The following TBC1D1 variants were observed in gnomAD, a reference collection of about 807,000 sequenced individuals.
TBC1D1 encodes the protein TBC1 (tre-2/USP6, BUB2, cdc16) domain family, member 1.
In TBC1D1, 89 loss-of-function variants were observed where a neutral mutation model predicts 125.6. The ratio of observed to expected loss-of-function variants is 0.71; its 90% CI spans 0.60 to 0.85. The LOEUF (loss-of-function observed/expected upper bound fraction) is 0.85, where lower values mean the gene tolerates loss of function less well. Among genes scored for constraint, TBC1D1 ranks in the 40% least tolerant of loss-of-function variants. The pLI, the probability that TBC1D1 is intolerant of heterozygous loss-of-function variation, is 0.00. For missense variants in TBC1D1, 1,377 were observed against 1,469.2 expected, an observed-to-expected ratio of 0.94 and a Z score of 1.03; for synonymous variants, 565 against 564.1, an observed-to-expected ratio of 1.00 and a Z score of -0.02.
In TBC1D1 at chr4:38,137,224, A is replaced by G. The variant is rs1478908967; in HGVS notation, c.3396A>G (p.Leu1132=). The change falls in exon 20 of 20, where the codon TTA becomes TTG. Residue 1132 remains leucine, a synonymous_variant. Coordinates refer to ENST00000261439, the MANE Select transcript of TBC1D1 (RefSeq NM_015173.4). ...AGCTGAAGCAGGCCATGCTTACCTTAGAACTGGAGCGGTCGGCCCTGCTGC... is the reference window on the plus strand; with the variant it reads ...AGCTGAAGCAGGCCATGCTTACCTTGGAACTGGAGCGGTCGGCCCTGCTGC... 1 of 1,612,636 alleles carries G rather than the reference A, an allele frequency of 6.2e-7. No individual in the cohort carries two copies. The highest frequency in any genetic ancestry group is 1.3e-5 in the African/African-American group (1 of 74,896).
intron 2 of TBC1D1, among the ~76,000 whole-genome samples, chr4:37,942,967 C>G (rs1421347892): frequency 1.3e-5 from 2 of 152,078 alleles, no homozygotes; most frequent in African/African-American, 4.8e-5. Context: ...TTTGCAGTGG[C>G]TGGTACCAGT....
At chr4:37,910,226 T>C (rs1718294864) in intron 2 of TBC1D1, among the ~76,000 whole-genome samples, 1 of 152,216 alleles carries the variant, frequency 6.6e-6, no homozygotes. Flanking sequence ...TTTACAAGTG[T>C]CTTGCACCTA....
intron 12 of TBC1D1, among the ~76,000 whole-genome samples, chr4:38,081,179 C>T (rs1322670607): frequency 6.6e-6 from 1 of 152,078 alleles, no homozygotes; most frequent in Non-Finnish European, 1.5e-5. Context: ...CCCTGAGACG[C>T]TCCAGGCTCC....
At chr4:38,006,210 C>T (rs1201538129) in intron 2 of TBC1D1, among the ~76,000 whole-genome samples, 2 of 147,898 alleles carry the variant, frequency 1.4e-5, no homozygotes, top group African/African-American at 5.0e-5. Flanking sequence ...GCTTTGGTGA[C>T]TTTTTTTTTT....
At chr4:37,928,021 G>T (rs1017739900) in intron 2 of TBC1D1, among the ~76,000 whole-genome samples, 5 of 152,144 alleles carry the variant, frequency 3.3e-5, no homozygotes, top group Non-Finnish European at 5.9e-5. Flanking sequence ...ATGCACTCTA[G>T]AGTTACCTAC....
chr4:38,107,074 C>T (rs923464550), intron 15 of TBC1D1, among the ~76,000 whole-genome samples: 2 of 152,116 alleles, frequency 1.3e-5, no homozygotes, highest in East Asian at 3.9e-4. Context: ...ACACACTTCC[C>T]GAGGGCCTGA....
In TBC1D1 at chr4:37,891,301, C is replaced by T. The variant is rs979552491; in HGVS notation, c.-141C>T. On this transcript the variant is annotated 5_prime_UTR_variant, in exon 1 of 20. Transcript: ENST00000261439. ...GCCGTCCCCAGGATGCCCCCAAGCA[C>T]CTGCGCGTCCCGGCCCGGCCCCGGG... is the stretch of plus-strand genomic sequence containing the variant. 2 of 152,408 alleles carry T rather than the reference C, an allele frequency of 1.3e-5. No homozygotes were observed. Among genetic ancestry groups the T allele is most frequent in the African/African-American group, 2.4e-5 (1 of 41,440 alleles). 9.4% of individuals were successfully genotyped at this position (152,408 alleles called of 1,614,324 possible).
intron 12 of TBC1D1, among the ~76,000 whole-genome samples, chr4:38,074,243 G>T (rs568742190): frequency 1.3e-5 from 2 of 152,320 alleles, no homozygotes; most frequent in African/African-American, 2.4e-5. Context: ...GGCTTTAGGG[G>T]AAGGTTCTTT....
intron 2 of TBC1D1, among the ~76,000 whole-genome samples, chr4:37,987,576 G>T (rs1170463594): frequency 6.6e-6 from 1 of 152,120 alleles, no homozygotes; most frequent in African/African-American, 2.4e-5. Context: ...TTTAAAAATA[G>T]ATATACCATA....
At chr4:38,031,070 A>G (rs1380211869) in intron 7 of TBC1D1, among the ~76,000 whole-genome samples, 2 of 152,238 alleles carry the variant, frequency 1.3e-5, no homozygotes, top group East Asian at 1.9e-4. Context: ...TCATTTTCAA[A>G]CATATCTAGC....
chr4:38,020,797 TATC>T, intron 5 of TBC1D1, 102 bp downstream of exon 5: 3 of 897,180 alleles, frequency 3.3e-6, no homozygotes, highest in Non-Finnish European at 5.3e-6. Flanking sequence ...GTCATTGACA[TATC>T]ATTATTTGTC....
At chr4:38,091,941 TC>T (rs1436745499) in intron 13 of TBC1D1, among the ~76,000 whole-genome samples, 2 of 152,384 alleles carry the variant, frequency 1.3e-5, no homozygotes, top group Non-Finnish European at 2.9e-5. Flanking sequence ...TCATTTCTCT[TC>T]TTAGCTCTGT....
At chr4:38,088,272 GGGTT>G (rs1757876188) in intron 12 of TBC1D1, among the ~76,000 whole-genome samples, 1 of 152,176 alleles carries the variant, frequency 6.6e-6, no homozygotes, top group African/African-American at 2.4e-5. Context: ...TAAGTATACA[GGGTT>G]TGGGGGTGAA....
intron 17 of TBC1D1, among the ~76,000 whole-genome samples, chr4:38,122,826 GATATA>G (rs569172027): frequency 1.5e-4 from 23 of 152,290 alleles, no homozygotes; most frequent in Admixed American, 5.2e-4. Flanking sequence ...AATACAAACA[GATATA>G]ATAAAATAAA....
chr4:38,115,799 C>T lies in TBC1D1; in HGVS notation c.2647C>T (p.Leu883=). Residue 883 remains leucine (L), a synonymous_variant, in exon 16 of 20, where the codon CTA becomes TTA. Transcript: ENST00000261439. ...CAACATTTTGAAGGCCTACTCACTT[C>T]TAGACCAGGAAGTGGGATATTGCCA... is the stretch of plus-strand genomic sequence containing the variant. The T allele has an allele frequency of 1.2e-6, 2 of 1,614,216 alleles. No homozygotes were observed. The highest frequency in any genetic ancestry group is 1.6e-4 in the Middle Eastern group (1 of 6,062).
At chr4:38,115,624 T>C in intron 15 of TBC1D1, 86 bp from the exon 18 acceptor site, 1 of 1,446,900 alleles carries the variant, frequency 6.9e-7, no homozygotes, top group Non-Finnish European at 9.3e-7. Flanking sequence ...ATTTTGCTGC[T>C]TAATCTGAAG....
intron 2 of TBC1D1, chr4:37,996,192 A>G (rs1480958854): frequency 1.5e-5 from 5 of 339,054 alleles, no homozygotes; most frequent in African/African-American, 8.5e-5. Flanking sequence ...GGCACCCACC[A>G]CAAGGCTTGG....
At chr4:38,001,166 G>A (rs565639371) in intron 2 of TBC1D1, among the ~76,000 whole-genome samples, 8 of 152,024 alleles carry the variant, frequency 5.3e-5, no homozygotes, top group Middle Eastern at 3.2e-3. Flanking sequence ...CTTGCAGTGA[G>A]CCAAGATTGC....
chr4:37,899,596 G>T (rs1244956798), intron 1 of TBC1D1, among the ~76,000 whole-genome samples: 1 of 152,172 alleles, frequency 6.6e-6, no homozygotes, highest in Non-Finnish European at 1.5e-5. Context: ...TGTTACAAAG[G>T]TTAAATGAGA....
Sources: allele counts gnomAD v4.1 joint callset (sites outside exome capture counted in the v4.1 genomes callset), GRCh38; gene constraint gnomAD v4.1.1; transcripts MANE v1.5; gene names NCBI Gene and HGNC (gene_info 2026-07-23, HGNC 2026-07-21).